Variants in LRRC4C observed in about 807,000 individuals in gnomAD.
LRRC4C encodes leucine rich repeat containing 4C, also known as leucine-rich repeat-containing protein 4C.
LRRC4C carries 5 observed loss-of-function variants against 33.6 expected under a neutral mutation model. The observed-to-expected ratio is 0.15, with a 90% CI of 0.08 to 0.31. The LOEUF is 0.31. Ranked by LOEUF, LRRC4C falls within the 10% of genes least tolerant of loss-of-function variation. The pLI is 1.00. For synonymous variants in LRRC4C, 329 were observed against 302.0 expected (o/e 1.09, Z -0.93); for missense variants, 560 against 796.7 (o/e 0.70, Z 3.58).
intron 1 of LRRC4C, among the ~76,000 whole-genome samples, chr11:41,020,527 G>T (rs1336321671): frequency 6.6e-6 from 1 of 152,120 alleles, no homozygotes; most frequent in Non-Finnish European, 1.5e-5. Context: ...AAACAGACAT[G>T]CAGAGGGAAG....
At chr11:40,369,677 T>A (rs116279463) in intron 3 of LRRC4C, among the ~76,000 whole-genome samples, 4,743 of 152,304 alleles carry the variant, frequency 0.031, 228 homozygotes, top group African/African-American at 0.1. Context: ...GTTTTCTAAT[T>A]GGCAAACATA....
At chr11:40,129,850 A>G (rs1015947805) in intron 6 of LRRC4C, among the ~76,000 whole-genome samples, 3 of 152,152 alleles carry the variant, frequency 2.0e-5, no homozygotes, top group Non-Finnish European at 2.9e-5. Context: ...TAGCAACAAA[A>G]AGTCAAATCT....
In LRRC4C at chr11:40,429,159, C is replaced by T. The variant is rs189188883; in HGVS notation, c.-269-109438G>A. Among the ~76,000 whole-genome samples the T allele has an allele frequency of 2.5e-4, 38 of 152,226 alleles. 1 individual carries two copies. Among genetic ancestry groups the T allele is most frequent in the Admixed American group, 2.2e-3 (33 of 15,290 alleles). On this transcript the variant is annotated intron_variant, in intron 3 of 6. Transcript: ENST00000528697. The stretch of plus-strand genomic sequence containing the variant: ...TAAGTTTCAGGCATTGTGCAACTTC[C>T]GCCTCCTGGGTTCAAGCAAATCTCC...
intron 1 of LRRC4C, among the ~76,000 whole-genome samples, chr11:40,953,942 TGA>T (rs769378532): frequency 1.3e-5 from 2 of 151,884 alleles, no homozygotes; most frequent in Admixed American, 6.6e-5. Flanking sequence ...CCAGTGTGAT[TGA>T]GAGTCTTAGA....
intron 2 of LRRC4C, among the ~76,000 whole-genome samples, chr11:40,832,902 T>C (rs143218911): frequency 2.0e-5 from 3 of 152,144 alleles, no homozygotes; most frequent in African/African-American, 7.2e-5. Flanking sequence ...TAAGCATTTA[T>C]CAAGGCAGTG....
chr11:41,107,368 C>T (rs1941568205), intron 1 of LRRC4C, among the ~76,000 whole-genome samples: 1 of 151,910 alleles, frequency 6.6e-6, no homozygotes, highest in East Asian at 1.9e-4. Flanking sequence ...ATTAGAGATA[C>T]ATGTAGATAT....
intron 3 of LRRC4C, among the ~76,000 whole-genome samples, chr11:40,561,897 G>A (rs907643515): frequency 3.3e-5 from 5 of 152,170 alleles, no homozygotes; most frequent in Admixed American, 6.5e-5. Flanking sequence ...TTGACAAATA[G>A]TTGTAATCTG....
At chr11:40,221,441 C>T (rs1037592972) in intron 5 of LRRC4C, among the ~76,000 whole-genome samples, 1 of 152,006 alleles carries the variant, frequency 6.6e-6, no homozygotes, top group South Asian at 2.1e-4. Context: ...GGTGAAGATG[C>T]TATTGGGAGG....
chr11:40,646,294 A>C (rs1382235093), intron 3 of LRRC4C, among the ~76,000 whole-genome samples: 1 of 152,236 alleles, frequency 6.6e-6, no homozygotes. Context: ...AGAAATGAAT[A>C]GACATTCAGG....
chr11:40,445,200 G>A (rs553041274), intron 3 of LRRC4C: 1 of 152,360 alleles, frequency 6.6e-6, no homozygotes, highest in Admixed American at 6.5e-5. Flanking sequence ...GAAATGCAAA[G>A]TGTGTGTCCT....
chr11:40,943,710 C>G lies in LRRC4C; in HGVS notation c.-495-9987G>C, dbSNP rs372075879. Reference sequence around the variant, plus strand: ...GCAGTTGTCTCCAAGGCTATCTCTCCTGTCGGGAGAGTCTTTGAAGTGTTT... The same window carrying G: ...GCAGTTGTCTCCAAGGCTATCTCTCGTGTCGGGAGAGTCTTTGAAGTGTTT... On this transcript the variant is annotated intron_variant, in intron 1 of 6. Transcript: ENST00000528697. Among the ~76,000 whole-genome samples, 15 of 152,302 alleles carry G rather than the reference C, an allele frequency of 9.8e-5. No homozygotes were observed. In the South Asian group the frequency reaches 1.0e-3, roughly 11 times the overall value.
At chr11:41,237,660 T>C (rs1948080208) in intron 1 of LRRC4C, among the ~76,000 whole-genome samples, 1 of 152,130 alleles carries the variant, frequency 6.6e-6, no homozygotes, top group Admixed American at 6.5e-5. Context: ...GCACCATCAA[T>C]GTTTCAGAGG....
intron 3 of LRRC4C, among the ~76,000 whole-genome samples, chr11:40,570,402 C>T (rs1180431934): frequency 6.6e-6 from 1 of 152,106 alleles, no homozygotes; most frequent in Admixed American, 6.6e-5. Flanking sequence ...TGTCATTGTG[C>T]TGGGCAACCC....
intron 1 of LRRC4C, among the ~76,000 whole-genome samples, chr11:41,088,175 T>C (rs1940142989): frequency 6.6e-6 from 1 of 152,054 alleles, no homozygotes; most frequent in Non-Finnish European, 1.5e-5. Flanking sequence ...TCTTTAATAA[T>C]CAGAAATTGA....
intron 3 of LRRC4C, among the ~76,000 whole-genome samples, chr11:40,380,363 T>A (rs1948819559): frequency 6.6e-6 from 1 of 152,168 alleles, no homozygotes; most frequent in Non-Finnish European, 1.5e-5. Flanking sequence ...TTAGGTCATT[T>A]CCCTGTTTAA....
At chr11:40,775,942 G>T (rs73466690) in intron 2 of LRRC4C, among the ~76,000 whole-genome samples, 3,811 of 151,846 alleles carry the variant, frequency 0.025, 167 homozygotes, top group African/African-American at 0.089. Flanking sequence ...TTTGAGTTAT[G>T]TTCTTTCTAT....
intron 2 of LRRC4C, among the ~76,000 whole-genome samples, chr11:40,811,522 G>A (rs1459300533): frequency 6.6e-6 from 1 of 151,792 alleles, no homozygotes; most frequent in African/African-American, 2.4e-5. Context: ...TTTTGAGATG[G>A]ATTCTCTCTC....
chr11:41,172,129 G>T (rs543563740), intron 1 of LRRC4C, among the ~76,000 whole-genome samples: 9 of 152,220 alleles, frequency 5.9e-5, no homozygotes, highest in Non-Finnish European at 1.2e-4. Context: ...GGCGGAGGGA[G>T]AACTGGCTGA....
chr11:40,797,659 T>A (rs1950887109), intron 2 of LRRC4C, among the ~76,000 whole-genome samples: 1 of 152,182 alleles, frequency 6.6e-6, no homozygotes, highest in Admixed American at 6.5e-5. Context: ...AAAATTACCT[T>A]ATACTGCTCT....
Sources: allele counts gnomAD v4.1 joint callset (sites outside exome capture counted in the v4.1 genomes callset), GRCh38; gene constraint gnomAD v4.1.1; transcripts MANE v1.5; gene names NCBI Gene and HGNC (gene_info 2026-07-23, HGNC 2026-07-21).